Variants in RUSC2 observed in about 807,000 individuals in gnomAD.
RUSC2 encodes the protein AP-4 complex accessory subunit RUSC2.
RUSC2 carries 34 observed loss-of-function variants against 122.2 expected under a neutral mutation model. That is an observed-to-expected ratio of 0.28 (90% CI 0.21 to 0.37). The LOEUF (loss-of-function observed/expected upper bound fraction) is 0.37, where lower values mean the gene tolerates loss of function less well. RUSC2 is among the 10% of genes least tolerant of loss of function. The pLI is 1.00. For synonymous variants in RUSC2, 784 were observed against 790.0 expected, an observed-to-expected ratio of 0.99 and a Z score of 0.13; for missense variants, 1,747 against 1,952.4, an observed-to-expected ratio of 0.89 and a Z score of 1.98.
At chr9:35,512,955 C>T (rs997051294) in intron 1 of RUSC2, among the ~76,000 whole-genome samples, 1 of 152,112 alleles carries the variant, frequency 6.6e-6, no homozygotes, top group African/African-American at 2.4e-5. Flanking sequence ...TTCACATCAC[C>T]CTAACAGTTC....
At chr9:35,518,381 A>G (rs1456662475) in intron 1 of RUSC2, among the ~76,000 whole-genome samples, 1 of 152,176 alleles carries the variant, frequency 6.6e-6, no homozygotes, top group African/African-American at 2.4e-5. Flanking sequence ...GTCATTCCAC[A>G]GCAGTCTGCT....
At chr9:35,497,274 A>G (rs1026705968) in intron 1 of RUSC2, among the ~76,000 whole-genome samples, 5 of 152,210 alleles carry the variant, frequency 3.3e-5, no homozygotes, top group Admixed American at 2.6e-4. Flanking sequence ...GCCATCACTG[A>G]GAAGCAACAT....
intron 1 of RUSC2, among the ~76,000 whole-genome samples, chr9:35,499,382 GT>G (rs1318067517): frequency 6.6e-6 from 1 of 152,158 alleles, no homozygotes; most frequent in Non-Finnish European, 1.5e-5. Context: ...AACACTTAAA[GT>G]TTTTAAAAAA....
In RUSC2 at chr9:35,555,230, C is replaced by A; in HGVS notation, c.2185C>A (p.Gln729Lys). The A allele has an allele frequency of 6.2e-7, 1 of 1,613,170 alleles. No homozygotes were observed. The highest frequency in any genetic ancestry group is 8.5e-7 in the Non-Finnish European group (1 of 1,180,026). ...LYSLSGCSRTQQPAPLAAPAA... is the reference protein window; with the variant it reads ...LYSLSGCSRTKQPAPLAAPAA... ...CAGCCTCTCAGGCTGCAGCCGTACA[C>A]AGCAGCCTGCCCCACTGGCTGCCCC... is the stretch of plus-strand genomic sequence containing the variant. Residue 729 changes from glutamine (Q) to lysine (K), a missense_variant, in exon 3 of 12, where the codon CAG becomes AAG. By Grantham distance (53) the Gln-to-Lys change is moderately conservative (BLOSUM62 1). Coordinates refer to ENST00000361226, the MANE Select transcript of RUSC2 (RefSeq NM_014806.5). The surrounding 1 kb of genome is among the most constrained non-coding windows in gnomAD (Gnocchi z 4.6).
intron 1 of RUSC2, among the ~76,000 whole-genome samples, chr9:35,520,646 G>A (rs1821196237): frequency 6.6e-6 from 1 of 152,190 alleles, no homozygotes; most frequent in African/African-American, 2.4e-5. Context: ...AATAGCCAGA[G>A]GGCTGCCCAC....
At chr9:35,539,947 C>T (rs1298931132) in intron 1 of RUSC2, among the ~76,000 whole-genome samples, 1 of 152,154 alleles carries the variant, frequency 6.6e-6, no homozygotes, top group East Asian at 1.9e-4. Flanking sequence ...TTGTGTTCCC[C>T]ATCTTTATTC....
chr9:35,558,080 G>C lies in RUSC2; in HGVS notation c.3060+90G>C. On this transcript the variant is annotated intron_variant, in intron 6 of 11. Coordinates refer to ENST00000361226, the MANE Select transcript of RUSC2 (RefSeq NM_014806.5). This position sits in a 1 kb window ranked among gnomAD's most constrained non-coding sequence, Gnocchi z 4.3. The stretch of plus-strand genomic sequence containing the variant: ...CTTCCCTTGCTGTCTTGCATTTAGA[G>C]CCCAGGGTTGGGTACTTAGGAATGG... 2 of 1,583,046 alleles carry C rather than the reference G, an allele frequency of 1.3e-6. No homozygotes were observed. Among genetic ancestry groups the C allele is most frequent in the Non-Finnish European group, 1.7e-6 (2 of 1,153,708 alleles).
intron 2 of RUSC2, 83 bp from the exon 3 acceptor site, chr9:35,554,977 C>CTCTCCCA: frequency 6.5e-7 from 1 of 1,529,982 alleles, no homozygotes; most frequent in South Asian, 1.1e-5. Context: ...CCCCTCTCCC[C>CTCTCCCA]TCTCCCATCT....
Position 35,550,551 on chromosome 9 carries a change from A to G in RUSC2, c.2014+2016A>G, listed in dbSNP as rs192535727. ...CGAGGCAGGAGAATCGCTTGAACCC[A>G]GGAGACAGAGGTTGCAGTGAGCCTA... On this transcript the variant is annotated intron_variant, in intron 2 of 11. Transcript: ENST00000361226. 3.8e-3 allele frequency among the ~76,000 whole-genome samples: 578 copies of G among 150,526 alleles called. 2 individuals are homozygous for G. The highest frequency in any genetic ancestry group is 7.0e-3 in the Non-Finnish European group (471 of 67,504).
Position 35,546,087 on chromosome 9 carries a change from T to C in RUSC2, c.-92-343T>C, listed in dbSNP as rs1474261499. Among the ~76,000 whole-genome samples, 1 of 152,200 alleles carries C rather than the reference T, an allele frequency of 6.6e-6. No individual in the cohort carries two copies. Among genetic ancestry groups the C allele is most frequent in the East Asian group, 1.9e-4 (1 of 5,198 alleles). On this transcript the variant is annotated intron_variant, in intron 1 of 11. Transcript: ENST00000361226. The surrounding 1 kb of genome is among the most constrained non-coding windows in gnomAD (Gnocchi z 4.3). Reference sequence around the variant, plus strand: ...GTCATTATTCATAGTTTTTTTGTGCTAAGGACTGGTCATTGTTTACTGCCA... The same window carrying C: ...GTCATTATTCATAGTTTTTTTGTGCCAAGGACTGGTCATTGTTTACTGCCA...
At chr9:35,535,331 G>A (rs1190339047) in intron 1 of RUSC2, among the ~76,000 whole-genome samples, 7 of 151,896 alleles carry the variant, frequency 4.6e-5, no homozygotes, top group East Asian at 1.9e-4. Context: ...GGCCAGGCTG[G>A]TCTTGAACTC....
At chr9:35,534,557 C>T (rs575882839) in intron 1 of RUSC2, among the ~76,000 whole-genome samples, 1 of 152,340 alleles carries the variant, frequency 6.6e-6, no homozygotes, top group East Asian at 1.9e-4. Flanking sequence ...TCTCAGCTCA[C>T]TGCAACCTCT....
rs544797957 is a variant in RUSC2 at position 35,515,999 on chromosome 9, C to CAAAAAAAAAAAAAAAAA, written c.-93+25835_-93+25851dup. Among the ~76,000 whole-genome samples, 28 of 47,184 alleles carry CAAAAAAAAAAAAAAAAA rather than the reference C, an allele frequency of 5.9e-4. 2 individuals carry two copies. The highest frequency in any genetic ancestry group is 1.7e-3 in the East Asian group (4 of 2,372). 31.0% of individuals were successfully genotyped at this position (47,184 alleles called of 152,430 possible). On this transcript the variant is annotated intron_variant, in intron 1 of 11. Coordinates refer to ENST00000361226, the MANE Select transcript of RUSC2 (RefSeq NM_014806.5). Reference sequence around the variant, plus strand: ...GAGCGACACAGCGAGATTCTTGTCTCAAAAAAAAAAAAAAAAAAAAAAAAG... The same window carrying CAAAAAAAAAAAAAAAAA: ...GAGCGACACAGCGAGATTCTTGTCTCAAAAAAAAAAAAAAAAAAAAAAAAAAAAAAAAAAAAAAAAAG...
At chr9:35,513,329 G>A (rs1362789461) in intron 1 of RUSC2, among the ~76,000 whole-genome samples, 5 of 151,890 alleles carry the variant, frequency 3.3e-5, no homozygotes, top group African/African-American at 9.7e-5. Flanking sequence ...TGCAACCTCC[G>A]CCTCCTGGGT....
At chr9:35,534,726 G>C (rs1416660027) in intron 1 of RUSC2, among the ~76,000 whole-genome samples, 3 of 152,148 alleles carry the variant, frequency 2.0e-5, no homozygotes, top group Admixed American at 2.0e-4. Context: ...GAAGTGATCT[G>C]CCTGCCTTGG....
intron 1 of RUSC2, among the ~76,000 whole-genome samples, chr9:35,498,875 A>G (rs1230637922): frequency 6.6e-6 from 1 of 151,932 alleles, no homozygotes; most frequent in Non-Finnish European, 1.5e-5. Flanking sequence ...GAAAAAAGAA[A>G]TGGCAAAAGT....
chr9:35,558,510 T>A lies in RUSC2; in HGVS notation c.3284T>A (p.Phe1095Tyr). 1 of 1,614,092 alleles carries A rather than the reference T, an allele frequency of 6.2e-7. No individual in the cohort carries two copies. Among genetic ancestry groups the A allele is most frequent in the African/African-American group, 1.3e-5 (1 of 75,012 alleles). Reference protein sequence around the residue: ...LHGLYNKVSQFPELTSHTMRF... With the variant: ...LHGLYNKVSQYPELTSHTMRF... Reference sequence around the variant, plus strand: ...GGCCTCTACAACAAAGTCAGCCAATTCCCAGAGCTCACCAGTCATACCATG... The same window carrying A: ...GGCCTCTACAACAAAGTCAGCCAATACCCAGAGCTCACCAGTCATACCATG... The change falls in exon 8 of 12, where the codon TTC (phenylalanine) becomes TAC (tyrosine). Residue 1095 changes from phenylalanine to tyrosine, a missense_variant. Transcript: ENST00000361226. This position sits in a 1 kb window ranked among gnomAD's most constrained non-coding sequence, Gnocchi z 4.3.
intron 1 of RUSC2, among the ~76,000 whole-genome samples, chr9:35,545,204 G>A (rs1339498893): frequency 6.6e-6 from 1 of 152,132 alleles, no homozygotes; most frequent in Non-Finnish European, 1.5e-5. Context: ...TAAATTTTAA[G>A]AAATTGATTG....
chr9:35,492,125 G>T (rs1255546743), intron 1 of RUSC2, among the ~76,000 whole-genome samples: 1 of 151,934 alleles, frequency 6.6e-6, no homozygotes, highest in Non-Finnish European at 1.5e-5. Flanking sequence ...AGTTACCCCA[G>T]AACACCCTGG....
Sources: gnomAD v4.1 joint callset for allele counts (sites outside exome capture counted in the v4.1 genomes callset) on GRCh38, gnomAD v4.1.1 for gene constraint, Gnocchi (gnomAD v3.1) non-coding constraint, MANE v1.5 for transcripts, NCBI Gene and HGNC (gene_info 2026-07-23, HGNC 2026-07-21) for gene names.